Variants in LINGO2 observed in about 807,000 individuals in gnomAD.
The protein encoded by LINGO2 is leucine rich repeat and Ig domain containing 2.
Under a neutral mutation model 30.6 loss-of-function variants are expected in LINGO2, and 14 were observed. The observed-to-expected ratio is 0.46, with a 90% confidence interval of 0.30 to 0.72. LINGO2 has a LOEUF of 0.72. Among genes scored for constraint, LINGO2 ranks in the 30% least tolerant of loss-of-function variants. The pLI is 0.07. For missense variants in LINGO2, 729 were observed against 751.7 expected (o/e 0.97, Z 0.35); for synonymous variants, 317 against 288.5 (o/e 1.10, Z -1.00).
chr9:28,196,021 A>C (rs1207161176), intron 4 of LINGO2, among the ~76,000 whole-genome samples: 1 of 151,620 alleles, frequency 6.6e-6, no homozygotes, highest in Non-Finnish European at 1.5e-5. Context: ...CAACTATATT[A>C]ATAAATCAAT....
At chr9:28,635,523 G>T (rs1827218620) in intron 1 of LINGO2, among the ~76,000 whole-genome samples, 1 of 152,070 alleles carries the variant, frequency 6.6e-6, no homozygotes, top group African/African-American at 2.4e-5. Context: ...CATTTTAGAT[G>T]TGGTATTTTG....
At chr9:28,971,320 TA>T in the LINGO2 span, among the ~76,000 whole-genome samples, 1 of 152,174 alleles carries the variant, frequency 6.6e-6, no homozygotes, top group Admixed American at 6.5e-5. Flanking sequence ...CATAGACCAC[TA>T]AGCAAGCCAG....
chr9:29,024,220 T>A, the LINGO2 span, among the ~76,000 whole-genome samples: 1 of 152,092 alleles, frequency 6.6e-6, no homozygotes, highest in African/African-American at 2.4e-5. Flanking sequence ...CCAAACCCCA[T>A]ATTTAGAAAC....
At chr9:28,621,748 A>C (rs570051085) in intron 1 of LINGO2, among the ~76,000 whole-genome samples, 1 of 152,186 alleles carries the variant, frequency 6.6e-6, no homozygotes, top group South Asian at 2.1e-4. Context: ...ATATTGCAAT[A>C]AAGTAACAGG....
chr9:28,054,252 T>C (rs992174140), intron 4 of LINGO2, among the ~76,000 whole-genome samples: 2 of 152,106 alleles, frequency 1.3e-5, no homozygotes, highest in Admixed American at 6.6e-5. Flanking sequence ...AGCCCTTCTC[T>C]CACCTTTTCA....
At chr9:29,186,800 T>C in the LINGO2 span, among the ~76,000 whole-genome samples, 1 of 152,044 alleles carries the variant, frequency 6.6e-6, no homozygotes, top group African/African-American at 2.4e-5. Flanking sequence ...ATTTATCATA[T>C]AGGGCTGCTA....
At chr9:28,882,321 A>G in the LINGO2 span, among the ~76,000 whole-genome samples, 1 of 152,196 alleles carries the variant, frequency 6.6e-6, no homozygotes, top group South Asian at 2.1e-4. Flanking sequence ...GTAGCACAAC[A>G]TGGTCCAAAG....
At chr9:28,880,217 A>C in the LINGO2 span, among the ~76,000 whole-genome samples, 2 of 152,194 alleles carry the variant, frequency 1.3e-5, no homozygotes, top group South Asian at 4.1e-4. Context: ...TAGGGAAAAG[A>C]AAGAGAGATC....
intron 4 of LINGO2, among the ~76,000 whole-genome samples, chr9:28,156,322 C>T (rs747147267): frequency 7.9e-5 from 12 of 152,090 alleles, no homozygotes; most frequent in Non-Finnish European, 1.6e-4. Context: ...AGAGTAACCC[C>T]ATTCTAAGGA....
chr9:28,096,454 C>T (rs1297659902), intron 4 of LINGO2, among the ~76,000 whole-genome samples: 1 of 152,158 alleles, frequency 6.6e-6, no homozygotes, highest in Non-Finnish European at 1.5e-5. Context: ...CATATAAATG[C>T]TCCAAAATGG....
the LINGO2 span, among the ~76,000 whole-genome samples, chr9:28,798,531 C>A: frequency 1.3e-5 from 2 of 152,048 alleles, no homozygotes; most frequent in Non-Finnish European, 2.9e-5. Context: ...AATAGGATTT[C>A]AGGCCATGAC....
intron 4 of LINGO2, among the ~76,000 whole-genome samples, chr9:28,039,788 A>T (rs1461329406): frequency 6.6e-6 from 1 of 152,194 alleles, no homozygotes; most frequent in Non-Finnish European, 1.5e-5. Flanking sequence ...TCTGTTCCTT[A>T]ATAGACACAA....
chr9:28,747,984 A>C, the LINGO2 span, among the ~76,000 whole-genome samples: 1 of 152,116 alleles, frequency 6.6e-6, no homozygotes, highest in Admixed American at 6.5e-5. Flanking sequence ...TGTAATAGTC[A>C]TTGGCAGGTA....
the LINGO2 span, among the ~76,000 whole-genome samples, chr9:28,892,854 A>T: frequency 1.3e-5 from 2 of 152,050 alleles, no homozygotes; most frequent in South Asian, 4.1e-4. Context: ...AAAATGTTTA[A>T]AACTTAAATT....
chr9:29,128,285 C>T, the LINGO2 span, among the ~76,000 whole-genome samples: 3 of 152,090 alleles, frequency 2.0e-5, no homozygotes, highest in Non-Finnish European at 2.9e-5. Context: ...GATGGAGGTT[C>T]TGAGGTCTAG....
At chr9:28,466,189 A>T (rs1363609077) in intron 2 of LINGO2, among the ~76,000 whole-genome samples, 2 of 152,246 alleles carry the variant, frequency 1.3e-5, no homozygotes, top group Non-Finnish European at 2.9e-5. Context: ...CACTGTTCAC[A>T]ATAGTCAAGA....
the LINGO2 span, among the ~76,000 whole-genome samples, chr9:28,775,681 T>G: frequency 1.3e-5 from 2 of 152,220 alleles, no homozygotes; most frequent in African/African-American, 4.8e-5. Flanking sequence ...GATTGACATC[T>G]GCTAAGAACT....
chr9:28,347,857 G>A (rs1466293786), intron 3 of LINGO2, among the ~76,000 whole-genome samples: 2 of 152,140 alleles, frequency 1.3e-5, no homozygotes, highest in African/African-American at 4.8e-5. Flanking sequence ...GAGTACTACT[G>A]AGAAATGTCA....
intron 2 of LINGO2, among the ~76,000 whole-genome samples, chr9:28,458,841 C>CA (rs1824957279): frequency 6.6e-6 from 1 of 152,008 alleles, no homozygotes; most frequent in African/African-American, 2.4e-5. Flanking sequence ...GAACTTTGCT[C>CA]AAAAAATCCA....
Sources: allele counts gnomAD v4.1 joint callset (sites outside exome capture counted in the v4.1 genomes callset), GRCh38; gene constraint gnomAD v4.1.1; transcripts MANE v1.5; gene names NCBI Gene and HGNC (gene_info 2026-07-23, HGNC 2026-07-21).